PIP5K1C: variants seen among roughly 807,000 people sequenced by gnomAD.
PIP5K1C encodes phosphatidylinositol-4-phosphate 5-kinase type 1 gamma.
PIP5K1C carries 45 observed loss-of-function variants against 80.1 expected under a neutral mutation model. That is an observed-to-expected ratio of 0.56 (90% CI 0.44 to 0.72). The LOEUF (loss-of-function observed/expected upper bound fraction) is 0.72, where lower values mean the gene tolerates loss of function less well. PIP5K1C is among the 30% of genes least tolerant of loss of function. PIP5K1C has a pLI of 0.00. For synonymous variants in PIP5K1C, 498 were observed against 420.1 expected (o/e 1.19, Z -2.27); for missense variants, 753 against 954.6 (o/e 0.79, Z 2.78).
Position 3,632,955 on chromosome 19 carries a change from C to G in PIP5K1C, c.*212G>C, listed in dbSNP as rs757633559. Reference sequence around the variant, plus strand: ...TGGCCGCTCGGGAGGGTGGGTCTCACAGGGGCAGGCTGCCGACCGGGGTGC... The same window carrying G: ...TGGCCGCTCGGGAGGGTGGGTCTCAGAGGGGCAGGCTGCCGACCGGGGTGC... On this transcript the variant is annotated 3_prime_UTR_variant, in exon 18 of 18. Coordinates refer to ENST00000335312, the MANE Select transcript of PIP5K1C (RefSeq NM_012398.3). 1.9e-6 allele frequency: 1 copy of G among 532,586 alleles called. No individual in the cohort carries two copies. Among genetic ancestry groups the G allele is most frequent in the Non-Finnish European group, 3.3e-6 (1 of 301,024 alleles). 33.0% of individuals were successfully genotyped at this position (532,586 alleles called of 1,614,324 possible).
At chr19:3,680,959 C>T (rs968418455) in intron 1 of PIP5K1C, among the ~76,000 whole-genome samples, 8 of 152,182 alleles carry the variant, frequency 5.3e-5, no homozygotes, top group Middle Eastern at 6.3e-3. Context: ...CACTGCTCAG[C>T]CCCCTGCAGT....
chr19:3,668,069 C>G (rs764271321), intron 1 of PIP5K1C, among the ~76,000 whole-genome samples: 2 of 151,890 alleles, frequency 1.3e-5, no homozygotes, highest in African/African-American at 4.8e-5. Flanking sequence ...GGGCCCGCAG[C>G]CTCCGGTCAG....
At chr19:3,694,871 A>G (rs1158434340) in intron 1 of PIP5K1C, among the ~76,000 whole-genome samples, 7 of 152,184 alleles carry the variant, frequency 4.6e-5, no homozygotes, top group Non-Finnish European at 1.0e-4. Context: ...CGCCCAACGC[A>G]GCCCGGCTCT....
intron 2 of PIP5K1C, 46 bp downstream of exon 2, chr19:3,667,276 G>C (rs1940834947): frequency 1.3e-6 from 2 of 1,563,258 alleles, no homozygotes; most frequent in Non-Finnish European, 1.8e-6. Flanking sequence ...GGAGGCAGCA[G>C]GTCAGGGTGG....
At chr19:3,666,080 C>G (rs543745734) in intron 2 of PIP5K1C, among the ~76,000 whole-genome samples, 1 of 152,172 alleles carries the variant, frequency 6.6e-6, no homozygotes, top group African/African-American at 2.4e-5. Flanking sequence ...ACCCTCCACC[C>G]GCGCCACCCT....
At chr19:3,672,901 G>T (rs920110468) in intron 1 of PIP5K1C, among the ~76,000 whole-genome samples, 1 of 151,364 alleles carries the variant, frequency 6.6e-6, no homozygotes, top group East Asian at 2.0e-4. Context: ...CGGTGGGGGC[G>T]GGGGGAGAGT....
chr19:3,685,783 T>C (rs2145589794), intron 1 of PIP5K1C, among the ~76,000 whole-genome samples: 1 of 152,056 alleles, frequency 6.6e-6, no homozygotes, highest in East Asian at 1.9e-4. Context: ...TGTTCACGAA[T>C]TGTCTGGCTC....
intron 1 of PIP5K1C, among the ~76,000 whole-genome samples, chr19:3,681,014 C>T (rs917159476): frequency 1.3e-5 from 2 of 152,150 alleles, no homozygotes; most frequent in Non-Finnish European, 2.9e-5. Flanking sequence ...TCCCACAGGT[C>T]GGCAGTGCTG....
At chr19:3,643,135 G>A (rs1004843759) in intron 13 of PIP5K1C, 108 bp downstream of exon 13, 2 of 1,553,388 alleles carry the variant, frequency 1.3e-6, no homozygotes, top group South Asian at 1.1e-5. Context: ...CCGTACATAC[G>A]ATGCTCCACC....
At chr19:3,660,816 T>G in intron 5 of PIP5K1C, 150 bp downstream of exon 5, 1 of 657,918 alleles carries the variant, frequency 1.5e-6, no homozygotes, top group Non-Finnish European at 2.8e-6. Flanking sequence ...TCCCGGTGAG[T>G]CTCACAGGAG....
chr19:3,668,199 AG>A lies in PIP5K1C; in HGVS notation c.95-847del, dbSNP rs2035077784. The stretch of plus-strand genomic sequence containing the variant: ...TCCTCCATGCAAGGAGGCTGGGACG[AG>A]GGGAGCAGGCGAGACTCAGCTCCTA... On this transcript the variant is annotated intron_variant, in intron 1 of 17. Transcript: ENST00000335312. 1.3e-5 allele frequency among the ~76,000 whole-genome samples: 2 copies of A among 152,046 alleles called. 1 individual carries two copies. Among genetic ancestry groups the A allele is most frequent in the Middle Eastern group, 6.8e-3 (2 of 294 alleles).
Position 3,637,206 on chromosome 19 carries a change from A to C in PIP5K1C, c.1920+1678T>G. On this transcript the variant is annotated intron_variant, in intron 16 of 17. Coordinates refer to ENST00000335312, the MANE Select transcript of PIP5K1C (RefSeq NM_012398.3). The surrounding 1 kb of genome is among the most constrained non-coding windows in gnomAD (Gnocchi z 7.0). ...TCCACCCAAGACACCCTGACACGAGAGGGCTGGGTCCAGGGGCAGAGAGGG... is the reference window on the plus strand; with the variant it reads ...TCCACCCAAGACACCCTGACACGAGCGGGCTGGGTCCAGGGGCAGAGAGGG... 4.2e-6 allele frequency: 6 copies of C among 1,432,106 alleles called. No individual in the cohort carries two copies. The highest frequency in any genetic ancestry group is 1.5e-5 in the South Asian group (1 of 67,054). The allele number at this position is 1,432,106 out of a possible 1,614,324, so 88.7% of individuals were successfully genotyped here. A position where few individuals can be genotyped will look rare whatever the true frequency, so the allele number is the denominator to read the frequency against.
chr19:3,681,542 T>A (rs946189400), intron 1 of PIP5K1C, among the ~76,000 whole-genome samples: 31 of 152,232 alleles, frequency 2.0e-4, no homozygotes, highest in African/African-American at 7.5e-4. Flanking sequence ...CACTTTTGTC[T>A]TTTGTTTGAA....
Position 3,637,433 on chromosome 19 carries a change from C to G in PIP5K1C, c.1920+1451G>C, listed in dbSNP as rs1251142084. ...ATTTACCCAAAGCCCTTCTGGAAAA[C>G]AACTGACGTCAGACACTGAGCTTCC... On this transcript the variant is annotated intron_variant, in intron 16 of 17. Coordinates refer to ENST00000335312, the MANE Select transcript of PIP5K1C (RefSeq NM_012398.3). The surrounding 1 kb of genome is among the most constrained non-coding windows in gnomAD (Gnocchi z 7.0). The G allele has an allele frequency of 6.5e-7, 1 of 1,535,642 alleles. No homozygotes were observed. The highest frequency in any genetic ancestry group is 2.4e-5 in the East Asian group (1 of 40,896).
chr19:3,697,625 C>A (rs2036167173), intron 1 of PIP5K1C, among the ~76,000 whole-genome samples: 1 of 152,196 alleles, frequency 6.6e-6, no homozygotes, highest in Non-Finnish European at 1.5e-5. Context: ...GCTGCCAGAT[C>A]AGCCGTGGAA....
chr19:3,650,426 A>G (rs1007562553), intron 8 of PIP5K1C, among the ~76,000 whole-genome samples: 2 of 152,270 alleles, frequency 1.3e-5, no homozygotes, highest in Non-Finnish European at 2.9e-5. Flanking sequence ...CAGCACTGCT[A>G]TACGACACCT....
chr19:3,639,639 C>T (rs376912756), intron 15 of PIP5K1C, among the ~76,000 whole-genome samples: 8 of 151,904 alleles, frequency 5.3e-5, no homozygotes, highest in African/African-American at 1.9e-4. Flanking sequence ...ACTATGTTGC[C>T]CAGGCTGGTC....
chr19:3,678,776 A>C (rs1340890849), intron 1 of PIP5K1C, among the ~76,000 whole-genome samples: 3 of 96,464 alleles, frequency 3.1e-5, no homozygotes, highest in Non-Finnish European at 4.1e-5. Flanking sequence ...GGCAGGACGG[A>C]GGGAGGGATG....
intron 1 of PIP5K1C, chr19:3,668,509 A>C (rs976071224): frequency 7.9e-5 from 12 of 151,948 alleles, no homozygotes; most frequent in African/African-American, 2.9e-4. Context: ...AAAAGGGGGA[A>C]ACGGATTCTC....
Sources: gnomAD v4.1 joint callset for allele counts (sites outside exome capture counted in the v4.1 genomes callset) on GRCh38, gnomAD v4.1.1 for gene constraint, Gnocchi (gnomAD v3.1) non-coding constraint, MANE v1.5 for transcripts, NCBI Gene and HGNC (gene_info 2026-07-23, HGNC 2026-07-21) for gene names.